FSIP2: variants seen among roughly 807,000 people sequenced by gnomAD.
The protein encoded by FSIP2 is fibrous sheath interacting protein 2, also known as fibrous sheath-interacting protein 2.
A neutral mutation model predicts 510.5 loss-of-function variants in FSIP2; 367 were observed. The ratio of observed to expected loss-of-function variants is 0.72; its 90% confidence interval spans 0.66 to 0.78. FSIP2 has a LOEUF of 0.78. FSIP2 is among the 30% of genes least tolerant of loss of function. The pLI, the probability that FSIP2 is intolerant of heterozygous loss-of-function variation, is 0.00. For missense variants in FSIP2, 7,594 were observed against 7,901.7 expected (o/e 0.96, Z 1.48); for synonymous variants, 2,601 against 2,732.2 (o/e 0.95, Z 1.50).
At chr2:185,815,526 A>G in intron 19 of FSIP2, 55 bp downstream of exon 19, 1 of 840,528 alleles carries the variant, frequency 1.2e-6, no homozygotes, top group Non-Finnish European at 1.9e-6. Flanking sequence ...AGAGCTTATG[A>G]GTAGAATGGG....
At position 185,793,345 on chromosome 2, in the gene FSIP2, A is replaced by T; in HGVS notation, c.6209A>T (p.Lys2070Ile). The T allele has an allele frequency of 6.5e-7, 1 of 1,534,154 alleles. No individual in the cohort carries two copies. Among genetic ancestry groups the T allele is most frequent in the Non-Finnish European group, 8.7e-7 (1 of 1,145,624 alleles). The change falls in exon 16 of 23, where the codon AAA (lysine) becomes ATA (isoleucine). Residue 2070 changes from lysine to isoleucine, a missense_variant. Transcript: ENST00000424728. ...SDKEIDLDQQ[K>I]GVIEKLLNET... Reference sequence around the variant, plus strand: ...AAAGAGATCGATTTAGATCAGCAAAAAGGTGTTATTGAAAAGCTGCTCAAT... The same window carrying T: ...AAAGAGATCGATTTAGATCAGCAAATAGGTGTTATTGAAAAGCTGCTCAAT...
At position 185,791,916 on chromosome 2, in the gene FSIP2, G is replaced by A; in HGVS notation, c.4780G>A (p.Glu1594Lys). 1.3e-6 allele frequency: 2 copies of A among 1,533,946 alleles called. No individual in the cohort carries two copies. The highest frequency in any genetic ancestry group is 1.7e-6 in the Non-Finnish European group (2 of 1,145,436). Residue 1594 changes from glutamate to lysine, a missense_variant, in exon 16 of 23, where the codon GAA (glutamate) becomes AAA (lysine). By Grantham distance (56) the Glu-to-Lys change is moderately conservative (BLOSUM62 1). Coordinates refer to ENST00000424728, the MANE Select transcript of FSIP2 (RefSeq NM_173651.4). ...TCTTAATATGGTTTTTGCTAAACTG[G>A]AAGGGTTTGCCAACGGACATTTAGA... is the stretch of plus-strand genomic sequence containing the variant. The part of the protein sequence containing the change: ...DILNMVFAKL[E>K]GFANGHLEIL...
intron 6 of FSIP2, among the ~76,000 whole-genome samples, 154 bp downstream of exon 6, chr2:185,746,964 T>C (rs755448873): frequency 7.9e-5 from 12 of 152,102 alleles, no homozygotes; most frequent in Non-Finnish European, 1.5e-4. Context: ...AATATACAAG[T>C]TGTTACATAA....
At chr2:185,826,001 T>G (rs879919379) in intron 20 of FSIP2, among the ~76,000 whole-genome samples, 2 of 151,844 alleles carry the variant, frequency 1.3e-5, no homozygotes, top group Admixed American at 1.3e-4. Context: ...TATGTTAAGA[T>G]ACACGAATAC....
At position 185,743,574 on chromosome 2, in the gene FSIP2, G is replaced by A. The variant is rs1017309850; in HGVS notation, c.387+280G>A. 4.6e-5 allele frequency among the ~76,000 whole-genome samples: 7 copies of A among 152,080 alleles called. No individual in the cohort carries two copies. In the South Asian group the frequency reaches 8.3e-4, roughly 18 times the overall value. The stretch of plus-strand genomic sequence containing the variant: ...ATACAAAGATATATTATTTTCCCAC[G>A]TGTATTATAGCCTTCTTTCTCTGTC... On this transcript the variant is annotated intron_variant, in intron 3 of 22. Transcript: ENST00000424728.
At chr2:185,753,663 G>A (rs1410293777) in intron 7 of FSIP2, 59 bp from the exon 8 acceptor site, 5 of 745,416 alleles carry the variant, frequency 6.7e-6, no homozygotes, top group South Asian at 4.8e-5. Flanking sequence ...TAAATGATTT[G>A]TTTTACATTT....
intron 20 of FSIP2, among the ~76,000 whole-genome samples, chr2:185,825,855 A>G (rs142217316): frequency 1.2e-4 from 18 of 151,994 alleles, no homozygotes; most frequent in Non-Finnish European, 1.8e-4. Flanking sequence ...TCCCAAGGGT[A>G]AGGACTTAAA....
At chr2:185,788,114 T>C (rs1693032019) in intron 15 of FSIP2, 1 of 152,010 alleles carries the variant, frequency 6.6e-6, no homozygotes, top group East Asian at 1.9e-4. Context: ...AGGCTCACCC[T>C]TTCAGCAGGG....
Position 185,746,817 on chromosome 2 carries a change from GACA to G in FSIP2, c.759+13_759+15del. On this transcript the variant is annotated splice_region_variant and intron_variant, in intron 6 of 22. Coordinates refer to ENST00000424728, the MANE Select transcript of FSIP2 (RefSeq NM_173651.4). ...TCGTAGAAAAATAGAAGAGGTGAGAGACAACAACTTTAAAATATTAACAGAAAA... is the reference window on the plus strand; with the variant it reads ...TCGTAGAAAAATAGAAGAGGTGAGAGACAACTTTAAAATATTAACAGAAAA... 2.0e-6 allele frequency: 3 copies of G among 1,492,622 alleles called. No individual in the cohort carries two copies. Among genetic ancestry groups the G allele is most frequent in the South Asian group, 2.6e-5 (2 of 76,638 alleles). The allele number at this position is 1,492,622 out of a possible 1,614,324, so 92.5% of individuals were successfully genotyped here.
At position 185,797,140 on chromosome 2, in the gene FSIP2, A is replaced by G; in HGVS notation, c.10004A>G (p.Asn3335Ser). 6 of 1,535,016 alleles carry G rather than the reference A, an allele frequency of 3.9e-6. No homozygotes were observed. The highest frequency in any genetic ancestry group is 3.3e-4 in the Middle Eastern group (2 of 5,980). Reference protein sequence around the residue: ...KICLAAENIVNTVLSSCGFPS... With the variant: ...KICLAAENIVSTVLSSCGFPS... ...TGTTTAGCTGCAGAAAATATTGTCA[A>G]TACTGTGCTATCCAGCTGTGGCTTT... The change falls in exon 16 of 23, where the codon AAT becomes AGT. Residue 3335 changes from asparagine to serine, a missense_variant. Transcript: ENST00000424728.
Position 185,802,930 on chromosome 2 carries a change from C to T in FSIP2, c.13624C>T (p.His4542Tyr). Reference sequence around the variant, plus strand: ...TATTTATTCAGAAGATGATATTCAGCACCTTGTTGATTCAGTATTTGCAAA... The same window carrying T: ...TATTTATTCAGAAGATGATATTCAGTACCTTGTTGATTCAGTATTTGCAAA... ...KFIYSEDDIQ[H>Y]LVDSVFANVV... is the part of the protein sequence containing the mutation. Residue 4542 changes from histidine (H) to tyrosine (Y), a missense_variant, in exon 17 of 23, where the codon CAC becomes TAC. Transcript: ENST00000424728. The T allele has an allele frequency of 6.6e-7, 1 of 1,511,682 alleles. No individual in the cohort carries two copies. The allele number at this position is 1,511,682 out of a possible 1,614,324, so 93.6% of individuals were successfully genotyped here.
chr2:185,809,932 C>T (rs750914714), intron 17 of FSIP2, among the ~76,000 whole-genome samples: 15 of 151,996 alleles, frequency 9.9e-5, no homozygotes, highest in Admixed American at 2.0e-4. Flanking sequence ...ATTTGTCTCG[C>T]CAACAGATAG....
Position 185,813,665 on chromosome 2 carries a change from C to A in FSIP2, c.19948C>A (p.Gln6650Lys). 1 of 1,607,772 alleles carries A rather than the reference C, an allele frequency of 6.2e-7. No homozygotes were observed. Among genetic ancestry groups the A allele is most frequent in the South Asian group, 1.1e-5 (1 of 89,998 alleles). ...IVRLVAHDID[Q>K]VYLENYIKEE... ...TCGATTAGTAGCTCATGATATTGAT[C>A]AAGTGTATTTGGAAAATTACATAAA... is the stretch of plus-strand genomic sequence containing the variant. Residue 6650 changes from glutamine to lysine, a missense_variant, in exon 18 of 23, where the codon CAA becomes AAA. Gln to Lys is a moderately conservative substitution (Grantham distance 53). Coordinates refer to ENST00000424728, the MANE Select transcript of FSIP2 (RefSeq NM_173651.4).
chr2:185,773,716 G>T (rs1293354454), intron 13 of FSIP2, among the ~76,000 whole-genome samples: 1 of 152,058 alleles, frequency 6.6e-6, no homozygotes, highest in Non-Finnish European at 1.5e-5. Flanking sequence ...TGTTTCCAAG[G>T]TCTTTCCTGT....
Position 185,790,329 on chromosome 2 carries a change from G to T in FSIP2, c.3193G>T (p.Asp1065Tyr). 1 of 1,533,664 alleles carries T rather than the reference G, an allele frequency of 6.5e-7. No homozygotes were observed. The highest frequency in any genetic ancestry group is 1.2e-5 in the South Asian group (1 of 83,846). The change falls in exon 16 of 23, where the codon GAT (aspartate) becomes TAT (tyrosine). Residue 1065 changes from aspartate to tyrosine, a missense_variant. Asp to Tyr is a radical substitution (Grantham distance 160). Transcript: ENST00000424728. ...TTCTAGAAGCAAAGCTGCATTTCAT[G>T]ATTGGGAATTAAAGACTGAGCCACC... ...PGSRSKAAFH[D>Y]WELKTEPPST... is the part of the protein sequence containing the mutation.
chr2:185,826,155 A>T (rs925247755), intron 20 of FSIP2, among the ~76,000 whole-genome samples: 10 of 151,784 alleles, frequency 6.6e-5, no homozygotes, highest in Non-Finnish European at 1.3e-4. Context: ...AGTACATCCT[A>T]TGATGTTCAC....
At position 185,795,545 on chromosome 2, in the gene FSIP2, G is replaced by A; in HGVS notation, c.8409G>A (p.Gln2803=). Residue 2803 remains glutamine, a synonymous_variant, in exon 16 of 23, where the codon CAG becomes CAA. Coordinates refer to ENST00000424728, the MANE Select transcript of FSIP2 (RefSeq NM_173651.4). ...AATCCTCACATCTCAGACTTTCACAGGGGAATATAGGCACAGGATCCCTTC... is the reference window on the plus strand; with the variant it reads ...AATCCTCACATCTCAGACTTTCACAAGGGAATATAGGCACAGGATCCCTTC... ...PMKSSHLRLS[Q]GNIGTGSLPK... 1 of 1,534,846 alleles carries A rather than the reference G, an allele frequency of 6.5e-7. No individual in the cohort carries two copies. Among genetic ancestry groups the A allele is most frequent in the Non-Finnish European group, 8.7e-7 (1 of 1,146,034 alleles).
chr2:185,813,524 T>G (rs367644462), intron 17 of FSIP2, 21 bp from the exon 18 acceptor site: 197 of 1,460,288 alleles, frequency 1.3e-4, no homozygotes, highest in Non-Finnish European at 1.8e-4. Context: ...ATTTTAATAT[T>G]TGCTATACCT....
intron 7 of FSIP2, 37 bp from the exon 8 acceptor site, chr2:185,753,685 G>A (rs1692189789): frequency 1.1e-6 from 1 of 884,130 alleles, no homozygotes; most frequent in Non-Finnish European, 1.6e-6. Flanking sequence ...TAAATGGCAA[G>A]TTAATATTAA....
Sources: allele counts gnomAD v4.1 joint callset (sites outside exome capture counted in the v4.1 genomes callset), GRCh38; gene constraint gnomAD v4.1.1; transcripts MANE v1.5; gene names NCBI Gene and HGNC (gene_info 2026-07-23, HGNC 2026-07-21).